CAMTA1: variants seen among roughly 807,000 people sequenced by gnomAD.
CAMTA1 encodes the protein calmodulin-binding transcription activator 1.
A neutral mutation model predicts 170.9 loss-of-function variants in CAMTA1; 27 were observed. That is an observed-to-expected ratio of 0.16 (90% CI 0.12 to 0.22). CAMTA1 has a LOEUF of 0.22. Ranked by LOEUF, CAMTA1 falls within the 10% of genes least tolerant of loss-of-function variation. CAMTA1 has a pLI of 1.00. For missense variants in CAMTA1, 1,619 were observed against 2,217.2 expected (o/e 0.73, Z 5.42); for synonymous variants, 833 against 891.5 (o/e 0.93, Z 1.17).
At chr1:6,902,086 A>AT (rs1214665182) in intron 3 of CAMTA1, among the ~76,000 whole-genome samples, 56 of 137,010 alleles carry the variant, frequency 4.1e-4, no homozygotes, top group African/African-American at 1.5e-3. Context: ...AAAAAAAATA[A>AT]AAATAAAAAC....
intron 6 of CAMTA1, among the ~76,000 whole-genome samples, chr1:7,639,393 C>T (rs758074643): frequency 3.9e-5 from 6 of 152,240 alleles, no homozygotes; most frequent in Non-Finnish European, 5.9e-5. Flanking sequence ...AAAGAGTGGA[C>T]GAGCTGGATG....
At chr1:7,028,168 G>A (rs1279253419) in intron 3 of CAMTA1, among the ~76,000 whole-genome samples, 1 of 152,180 alleles carries the variant, frequency 6.6e-6, no homozygotes, top group African/African-American at 2.4e-5. Flanking sequence ...GCCTCCCAAA[G>A]TGCTGGGATT....
intron 5 of CAMTA1, among the ~76,000 whole-genome samples, chr1:7,430,345 C>G (rs75822390): frequency 0.067 from 10,127 of 151,362 alleles, 556 homozygotes; most frequent in East Asian, 0.23. Flanking sequence ...ACAGCAATCA[C>G]ATGGATGATG....
At chr1:7,695,211 C>A (rs979934947) in intron 11 of CAMTA1, among the ~76,000 whole-genome samples, 2 of 152,086 alleles carry the variant, frequency 1.3e-5, no homozygotes, top group Non-Finnish European at 2.9e-5. Flanking sequence ...GCCCTGGAAG[C>A]CCCCAGCACT....
chr1:7,323,006 C>A (rs1363656702), intron 5 of CAMTA1, among the ~76,000 whole-genome samples: 1 of 148,254 alleles, frequency 6.7e-6, no homozygotes, highest in Non-Finnish European at 1.5e-5. Flanking sequence ...CTTCCCCTTC[C>A]CTTCCCTCCC....
chr1:7,036,769 T>G (rs1703658195), intron 3 of CAMTA1, among the ~76,000 whole-genome samples: 1 of 152,256 alleles, frequency 6.6e-6, no homozygotes, highest in African/African-American at 2.4e-5. Context: ...GCTCTATCAA[T>G]TACAGTATTT....
intron 4 of CAMTA1, among the ~76,000 whole-genome samples, chr1:7,143,792 A>G (rs1022632568): frequency 6.6e-6 from 1 of 152,216 alleles, no homozygotes; most frequent in African/African-American, 2.4e-5. Flanking sequence ...TTAAATGTCA[A>G]CTTATACTAA....
In CAMTA1 at chr1:7,662,761, G is replaced by A. The variant is rs76283995; in HGVS notation, c.806-592G>A. Among the ~76,000 whole-genome samples, 1,214 of 152,224 alleles carry A rather than the reference G, an allele frequency of 8.0e-3. 20 individuals carry two copies. The highest frequency in any genetic ancestry group is 0.027 in the African/African-American group (1,124 of 41,530). On this transcript the variant is annotated intron_variant, in intron 8 of 22. Coordinates refer to ENST00000303635, the MANE Select transcript of CAMTA1 (RefSeq NM_015215.4). ...TAGGCCTGGGCTTAGGTACCTTTCC[G>A]CCTCTGGAGCAGGGTCGAGAACCCT...
Position 7,310,624 on chromosome 1 carries a change from CTTTCTTTCTTTCTTTCTTTCTTT to C in CAMTA1, c.438+61022_438+61044del, listed in dbSNP as rs1159985009. On this transcript the variant is annotated intron_variant, in intron 5 of 22. Coordinates refer to ENST00000303635, the MANE Select transcript of CAMTA1 (RefSeq NM_015215.4). ...CTTTTCTTTCTTTCTTTCTTTCTTT[CTTTCTTTCTTTCTTTCTTTCTTT>C]TTTCTTTCTTTCTTTCTTTCTTTCC... is the stretch of plus-strand genomic sequence containing the variant. Among the ~76,000 whole-genome samples the C allele has an allele frequency of 3.0e-3, 16 of 5,370 alleles. 1 individual carries two copies. The highest frequency in any genetic ancestry group is 3.1e-3 in the African/African-American group (4 of 1,304). The allele number at this position is 5,370 out of a possible 152,430, so 3.5% of individuals were successfully genotyped here.
At chr1:6,912,673 G>A (rs1679978822) in intron 3 of CAMTA1, among the ~76,000 whole-genome samples, 1 of 152,218 alleles carries the variant, frequency 6.6e-6, no homozygotes, top group Non-Finnish European at 1.5e-5. Context: ...CCTCCAGGCG[G>A]ATGCCTGCTC....
In CAMTA1 at chr1:6,883,171, G is replaced by A. The variant is rs566645827; in HGVS notation, c.234+57961G>A. Among the ~76,000 whole-genome samples, 8 of 152,280 alleles carry A rather than the reference G, an allele frequency of 5.3e-5. No individual in the cohort carries two copies. In the South Asian group the frequency reaches 1.5e-3, roughly 28 times the overall value. ...GGCCTCCCAAAATGCTGGGATTACA[G>A]GTGTGAGCCACCGCGCCCGGACAAG... On this transcript the variant is annotated intron_variant, in intron 3 of 22. Coordinates refer to ENST00000303635, the MANE Select transcript of CAMTA1 (RefSeq NM_015215.4).
chr1:7,626,350 C>T (rs1374899303), intron 6 of CAMTA1, among the ~76,000 whole-genome samples: 1 of 152,180 alleles, frequency 6.6e-6, no homozygotes, highest in Non-Finnish European at 1.5e-5. Flanking sequence ...AGGGGCTCCC[C>T]AGGTGCTCCT....
At chr1:6,939,676 GC>G (rs145504743) in intron 3 of CAMTA1, among the ~76,000 whole-genome samples, 13,750 of 152,232 alleles carry the variant, frequency 0.09, 938 homozygotes, top group Admixed American at 0.26. Flanking sequence ...ATTCCCTGGG[GC>G]AGGACTCAGC....
At chr1:6,904,681 C>T (rs1265978299) in intron 3 of CAMTA1, among the ~76,000 whole-genome samples, 1 of 150,856 alleles carries the variant, frequency 6.6e-6, no homozygotes, top group African/African-American at 2.4e-5. Context: ...AGTCCTCCCA[C>T]CTCAGCCACT....
chr1:7,569,482 T>G (rs1439942710), intron 6 of CAMTA1, among the ~76,000 whole-genome samples: 4 of 151,156 alleles, frequency 2.6e-5, no homozygotes, highest in Non-Finnish European at 5.9e-5. Flanking sequence ...ATCATCATCA[T>G]GATCACTATC....
intron 5 of CAMTA1, among the ~76,000 whole-genome samples, chr1:7,398,137 T>C (rs2089476773): frequency 8.3e-6 from 1 of 120,022 alleles, no homozygotes; most frequent in Non-Finnish European, 1.7e-5. Flanking sequence ...CCTTCAGAAG[T>C]TAGATATAAT....
intron 11 of CAMTA1, among the ~76,000 whole-genome samples, chr1:7,678,692 C>T (rs2096150784): frequency 6.6e-6 from 1 of 152,176 alleles, no homozygotes; most frequent in African/African-American, 2.4e-5. Flanking sequence ...TCAGGTGAGC[C>T]CACAGAGGTG....
intron 1 of CAMTA1, among the ~76,000 whole-genome samples, chr1:6,810,643 A>C (rs1172733914): frequency 2.0e-5 from 3 of 152,142 alleles, no homozygotes; most frequent in Non-Finnish European, 4.4e-5. Context: ...GTCTCTACTA[A>C]AAATACAAAA....
rs2095751813 is a variant in CAMTA1 at position 7,640,385 on chromosome 1, C to G, written c.511-15C>G. On this transcript the variant is annotated splice_polypyrimidine_tract_variant and intron_variant, in intron 6 of 22. Transcript: ENST00000303635. Reference sequence around the variant, plus strand: ...CATGCCACCCTCATGCTGCCAGTCTCTGCTCTCCCCACAGAACCCCGACAT... The same window carrying G: ...CATGCCACCCTCATGCTGCCAGTCTGTGCTCTCCCCACAGAACCCCGACAT... 2 of 1,613,344 alleles carry G rather than the reference C, an allele frequency of 1.2e-6. 1 individual carries two copies. The highest frequency in any genetic ancestry group is 2.2e-5 in the South Asian group (2 of 91,078).
Sources: allele counts gnomAD v4.1 joint callset (sites outside exome capture counted in the v4.1 genomes callset), GRCh38; gene constraint gnomAD v4.1.1; transcripts MANE v1.5; gene names NCBI Gene and HGNC (gene_info 2026-07-23, HGNC 2026-07-21).